SEMA6D: variants seen among roughly 807,000 people sequenced by gnomAD.
SEMA6D encodes the protein semaphorin 6D, also known as semaphorin-6D.
In SEMA6D, 35 loss-of-function variants were observed where a neutral mutation model predicts 106.6. The observed-to-expected ratio is 0.33, with a 90% CI of 0.25 to 0.44. The LOEUF (loss-of-function observed/expected upper bound fraction) is 0.44. Among genes scored for constraint, SEMA6D ranks in the 20% least tolerant of loss-of-function variants. SEMA6D has a pLI of 1.00. For synonymous variants in SEMA6D, 499 were observed against 487.7 expected, an observed-to-expected ratio of 1.02 and a Z score of -0.31; for missense variants, 1,185 against 1,345.9, an observed-to-expected ratio of 0.88 and a Z score of 1.87.
At chr15:47,302,108 T>G (rs2036047886) in intron 1 of SEMA6D, among the ~76,000 whole-genome samples, 1 of 152,122 alleles carries the variant, frequency 6.6e-6, no homozygotes, top group Non-Finnish European at 1.5e-5. Flanking sequence ...GTAAAATCCC[T>G]GAAAGGTTAA....
intron 4 of SEMA6D, among the ~76,000 whole-genome samples, chr15:47,663,093 A>G (rs935809847): frequency 6.6e-6 from 1 of 152,206 alleles, no homozygotes; most frequent in Non-Finnish European, 1.5e-5. Context: ...AGCAATTTTA[A>G]TGATCAACGT....
intron 3 of SEMA6D, among the ~76,000 whole-genome samples, chr15:47,597,558 T>C (rs1279175679): frequency 1.3e-5 from 2 of 152,044 alleles, no homozygotes; most frequent in East Asian, 3.9e-4. Flanking sequence ...AAATCTGTTT[T>C]GTGAGGCAAC....
intron 1 of SEMA6D, among the ~76,000 whole-genome samples, chr15:47,736,922 G>C (rs912318764): frequency 6.6e-6 from 1 of 152,114 alleles, no homozygotes; most frequent in African/African-American, 2.4e-5. Context: ...GACAATCCCT[G>C]TAATACCAGC....
chr15:47,480,925 C>T (rs572129152), intron 3 of SEMA6D, among the ~76,000 whole-genome samples: 6 of 152,282 alleles, frequency 3.9e-5, no homozygotes, highest in African/African-American at 2.4e-5. Flanking sequence ...CTTAAGACCT[C>T]AGGCTGGGTT....
intron 4 of SEMA6D, among the ~76,000 whole-genome samples, chr15:47,685,237 T>C (rs963799539): frequency 2.6e-5 from 4 of 152,192 alleles, no homozygotes; most frequent in African/African-American, 9.6e-5. Flanking sequence ...TTTTGTGCAA[T>C]ACCATCCAAT....
intron 2 of SEMA6D, among the ~76,000 whole-genome samples, chr15:47,426,167 G>GT (rs1197365028): frequency 6.6e-6 from 1 of 151,914 alleles, no homozygotes; most frequent in African/African-American, 2.4e-5. Context: ...TAGTGCAAGA[G>GT]TTTTTTTAAT....
rs745644736 is a variant in SEMA6D, at chr15:47,508,983, AT to A, written c.-87+38447del. Among the ~76,000 whole-genome samples the A allele has an allele frequency of 5.7e-4, 86 of 151,236 alleles. 1 individual carries two copies. The East Asian group carries it at 0.014, about 24-fold the overall frequency. The stretch of plus-strand genomic sequence containing the variant: ...GGGGGAGACAGAACTGAAACTCAGT[AT>A]TTTTTTTTCAAACAGAGCCCCATTA... On this transcript the variant is annotated intron_variant, in intron 3 of 19. Coordinates refer to the SEMA6D transcript ENST00000558014.
At chr15:47,533,522 G>A (rs1156378930) in intron 3 of SEMA6D, among the ~76,000 whole-genome samples, 1 of 152,186 alleles carries the variant, frequency 6.6e-6, no homozygotes, top group Non-Finnish European at 1.5e-5. Context: ...TCAAAATGAA[G>A]TCTGTAGATT....
intron 1 of SEMA6D, among the ~76,000 whole-genome samples, chr15:47,252,076 C>T (rs1012312042): frequency 2.7e-5 from 4 of 149,144 alleles, no homozygotes; most frequent in Admixed American, 6.7e-5. Flanking sequence ...CTACCACGCC[C>T]GGCTAATTTT....
chr15:47,633,125 T>A (rs2077321551), intron 4 of SEMA6D, among the ~76,000 whole-genome samples: 1 of 152,066 alleles, frequency 6.6e-6, no homozygotes, highest in Non-Finnish European at 1.5e-5. Context: ...ATGTTATAAG[T>A]TTTGCTTCAG....
rs150170928 is a variant in SEMA6D at position 47,197,789 on chromosome 15, C to G, written c.-239+13371C>G. ...ATGGAGATCTGTATTCCCATGCCGT[C>G]ATTAATTATTGCACTGTTTAATATA... On this transcript the variant is annotated intron_variant, in intron 1 of 19. Transcript: ENST00000558014. Among the ~76,000 whole-genome samples, 593 of 152,172 alleles carry G rather than the reference C, an allele frequency of 3.9e-3. 6 individuals carry two copies. Among genetic ancestry groups the G allele is most frequent in the African/African-American group, 0.014 (580 of 41,522 alleles).
chr15:47,402,288 G>A (rs1000314917), intron 1 of SEMA6D, among the ~76,000 whole-genome samples: 9 of 152,220 alleles, frequency 5.9e-5, no homozygotes, highest in African/African-American at 2.2e-4. Flanking sequence ...TTCTTCTTGA[G>A]TATTTCTCAT....
intron 2 of SEMA6D, among the ~76,000 whole-genome samples, chr15:47,456,836 C>G (rs2042359321): frequency 6.6e-6 from 1 of 151,830 alleles, no homozygotes; most frequent in South Asian, 2.1e-4. Flanking sequence ...TCAGGGAGGC[C>G]ACAGCCCCTA....
At chr15:47,745,021 C>A (rs2081046494) in intron 1 of SEMA6D, among the ~76,000 whole-genome samples, 1 of 152,152 alleles carries the variant, frequency 6.6e-6, no homozygotes. Context: ...AGAGTAGAAT[C>A]CAGATTTTTT....
intron 1 of SEMA6D, 34 bp from the exon 2 acceptor site, chr15:47,759,711 A>G (rs543893913): frequency 1.1e-6 from 1 of 929,062 alleles, no homozygotes; most frequent in South Asian, 1.3e-5. Context: ...TCATTGCAGC[A>G]TAGAGATCTT....
At chr15:47,438,329 A>C (rs1008979320) in intron 2 of SEMA6D, among the ~76,000 whole-genome samples, 3 of 151,932 alleles carry the variant, frequency 2.0e-5, no homozygotes, top group African/African-American at 7.3e-5. Flanking sequence ...TTGTCTCATG[A>C]TCTCCTAGAA....
At chr15:47,612,770 AT>A (rs5812403) in intron 4 of SEMA6D, among the ~76,000 whole-genome samples, 41,670 of 148,952 alleles carry the variant, frequency 0.28, 6,063 homozygotes, top group East Asian at 0.46. Flanking sequence ...TTTATTTTTT[AT>A]TTTTTTTTTG....
chr15:47,351,091 A>G (rs1423843773), intron 1 of SEMA6D, among the ~76,000 whole-genome samples: 1 of 152,146 alleles, frequency 6.6e-6, no homozygotes, highest in Non-Finnish European at 1.5e-5. Flanking sequence ...TCTCTCATGA[A>G]TACCCAATGT....
intron 1 of SEMA6D, among the ~76,000 whole-genome samples, chr15:47,232,480 G>A (rs2032265996): frequency 6.6e-6 from 1 of 151,478 alleles, no homozygotes; most frequent in South Asian, 2.1e-4. Flanking sequence ...GTGAGGCCTG[G>A]AATTTCTCCA....
Sources: gnomAD v4.1 joint callset for allele counts (sites outside exome capture counted in the v4.1 genomes callset) on GRCh38, gnomAD v4.1.1 for gene constraint, MANE v1.5 for transcripts, NCBI Gene and HGNC (gene_info 2026-07-23, HGNC 2026-07-21) for gene names.